Variants in AGTPBP1 observed in about 807,000 individuals in gnomAD.
AGTPBP1 encodes the protein ATP/GTP binding carboxypeptidase 1.
Under a neutral mutation model 143.9 loss-of-function variants are expected in AGTPBP1, and 70 were observed. The ratio of observed to expected loss-of-function variants is 0.49; its 90% CI spans 0.40 to 0.59. The LOEUF (loss-of-function observed/expected upper bound fraction) is 0.59, where lower values mean the gene tolerates loss of function less well. Ranked by LOEUF, AGTPBP1 falls within the 20% of genes least tolerant of loss-of-function variation. The pLI is 0.00. For synonymous variants in AGTPBP1, 463 were observed against 500.2 expected (o/e 0.93, Z 0.99); for missense variants, 1,229 against 1,464.5 (o/e 0.84, Z 2.62).
At chr9:85,803,744 T>TAA in the AGTPBP1 span, among the ~76,000 whole-genome samples, 4 of 152,258 alleles carry the variant, frequency 2.6e-5, no homozygotes, top group African/African-American at 9.6e-5. Flanking sequence ...CCTTTATTTC[T>TAA]AACTTATTAG....
chr9:85,697,196 G>A, intron 2 of AGTPBP1, among the ~76,000 whole-genome samples: 1 of 152,012 alleles, frequency 6.6e-6, no homozygotes. Context: ...AAATGTATGT[G>A]TATATATATT....
rs1176248561 is a variant in AGTPBP1, at chr9:85,633,283, G to A, written c.1394C>T (p.Thr465Ile). 6.2e-7 allele frequency: 1 copy of A among 1,613,854 alleles called. No homozygotes were observed. The highest frequency in any genetic ancestry group is 1.3e-5 in the African/African-American group (1 of 74,992). The part of the protein sequence containing the change: ...PIVVPTAGEE[T>I]SGNSGNLRKV... ...TCTTAAATTGCCAGAATTCCCAGAT[G>A]TTTCCTCGCCTGCCGTAGGAACAAC... The change falls in exon 14 of 26, where the codon ACA (threonine) becomes ATA (isoleucine). Residue 465 changes from threonine (T) to isoleucine (I), a missense_variant. Thr to Ile is a moderately conservative substitution (Grantham distance 89). Transcript: ENST00000357081.
intron 3 of AGTPBP1, among the ~76,000 whole-genome samples, chr9:85,687,747 C>T (rs943906522): frequency 1.3e-5 from 2 of 151,970 alleles, no homozygotes; most frequent in African/African-American, 2.4e-5. Context: ...GCTTTGAATG[C>T]CTCCAGTAGA....
intron 25 of AGTPBP1, among the ~76,000 whole-genome samples, chr9:85,550,624 A>G (rs1201793037): frequency 6.6e-6 from 1 of 152,092 alleles, no homozygotes; most frequent in East Asian, 1.9e-4. Context: ...TTCTCCATGG[A>G]ACTTCCGTAC....
chr9:85,606,318 T>C (rs1382923309), intron 17 of AGTPBP1, among the ~76,000 whole-genome samples: 1 of 150,796 alleles, frequency 6.6e-6, no homozygotes, highest in Non-Finnish European at 1.5e-5. Context: ...ACATCACTAA[T>C]CATCAGGGAA....
chr9:85,655,323 G>T lies in AGTPBP1; in HGVS notation c.910-3C>A. On this transcript the variant is annotated splice_polypyrimidine_tract_variant and splice_region_variant and intron_variant, in intron 10 of 25. Coordinates refer to ENST00000357081, the MANE Select transcript of AGTPBP1 (RefSeq NM_001330701.2). Reference sequence around the variant, plus strand: ...AGAGTCCTGACTGCCAGACATTCCTGTTTTTTAAAAAAAGAAAAAGAAAAA... The same window carrying T: ...AGAGTCCTGACTGCCAGACATTCCTTTTTTTTAAAAAAAGAAAAAGAAAAA... The T allele has an allele frequency of 6.8e-7, 1 of 1,473,416 alleles. No individual in the cohort carries two copies. The highest frequency in any genetic ancestry group is 9.0e-7 in the Non-Finnish European group (1 of 1,112,088). 91.3% of individuals were successfully genotyped at this position (1,473,416 alleles called of 1,614,324 possible).
At chr9:85,744,721 G>A (rs376297034), upstream of AGTPBP1, among the ~76,000 whole-genome samples, 1 of 152,284 alleles carries the variant, frequency 6.6e-6, no homozygotes, top group Non-Finnish European at 1.5e-5. Context: ...TGTGCACGCG[G>A]GCCCTTAGTC....
chr9:85,740,310 T>G (rs1277986801), intron 1 of AGTPBP1, among the ~76,000 whole-genome samples: 2 of 152,198 alleles, frequency 1.3e-5, no homozygotes, highest in Non-Finnish European at 2.9e-5. Context: ...CAGAGTTTTG[T>G]GATCATTAAA....
At chr9:85,655,879 G>C (rs1355804340) in intron 10 of AGTPBP1, among the ~76,000 whole-genome samples, 2 of 152,178 alleles carry the variant, frequency 1.3e-5, no homozygotes, top group East Asian at 1.9e-4. Context: ...CCAGGCTGGA[G>C]TGAAGTAGAG....
intron 2 of AGTPBP1, among the ~76,000 whole-genome samples, 194 bp from the exon 3 acceptor site, chr9:85,693,007 G>C (rs1043810641): frequency 6.6e-6 from 1 of 152,154 alleles, no homozygotes; most frequent in African/African-American, 2.4e-5. Context: ...TGACTTAAGT[G>C]AGAAACACAT....
chr9:85,667,449 A>C (rs181361761), intron 8 of AGTPBP1, among the ~76,000 whole-genome samples: 160 of 152,266 alleles, frequency 1.1e-3, no homozygotes, highest in Middle Eastern at 3.4e-3. Flanking sequence ...AAAACTAGAT[A>C]AGTTATTATT....
At chr9:85,802,696 C>T in the AGTPBP1 span, among the ~76,000 whole-genome samples, 1 of 152,208 alleles carries the variant, frequency 6.6e-6, no homozygotes, top group Non-Finnish European at 1.5e-5. Context: ...ATATATCTTG[C>T]TCACATAATT....
At chr9:85,797,046 A>C in the AGTPBP1 span, among the ~76,000 whole-genome samples, 2 of 152,078 alleles carry the variant, frequency 1.3e-5, no homozygotes, top group African/African-American at 2.4e-5. Context: ...CGGCCTCCCA[A>C]AGTGCTGGGA....
intron 1 of AGTPBP1, among the ~76,000 whole-genome samples, chr9:85,730,469 C>T (rs1838805759): frequency 6.6e-6 from 1 of 152,140 alleles, no homozygotes; most frequent in Admixed American, 6.5e-5. Context: ...CAAGGCTTTT[C>T]CAGGGACCCA....
chr9:85,803,386 T>C, the AGTPBP1 span, among the ~76,000 whole-genome samples: 4,973 of 152,288 alleles, frequency 0.033, 255 homozygotes, highest in African/African-American at 0.11. Context: ...TGCATTACCC[T>C]ATTCTCCTCC....
chr9:85,743,846 A>C (rs1451181192), upstream of AGTPBP1, among the ~76,000 whole-genome samples: 1 of 151,786 alleles, frequency 6.6e-6, no homozygotes, highest in Non-Finnish European at 1.5e-5. Flanking sequence ...TATGTTGGAC[A>C]CCATCTCTCC....
chr9:85,727,435 C>A (rs1254304811), intron 1 of AGTPBP1, among the ~76,000 whole-genome samples: 1 of 152,066 alleles, frequency 6.6e-6, no homozygotes, highest in African/African-American at 2.4e-5. Context: ...ATTGAAGCTC[C>A]AAAAAAGTAT....
At chr9:85,749,846 C>A in the AGTPBP1 span, among the ~76,000 whole-genome samples, 1 of 150,358 alleles carries the variant, frequency 6.7e-6, no homozygotes, top group Non-Finnish European at 1.5e-5. Flanking sequence ...TTGTCTGGAG[C>A]AACATGTGGA....
chr9:85,793,278 T>C, the AGTPBP1 span: 3 of 152,176 alleles, frequency 2.0e-5, no homozygotes, highest in Non-Finnish European at 4.4e-5. Flanking sequence ...TTAAACTATT[T>C]TTCCCCAAAG....
Sources: gnomAD v4.1 joint callset for allele counts (sites outside exome capture counted in the v4.1 genomes callset) on GRCh38, gnomAD v4.1.1 for gene constraint, MANE v1.5 for transcripts, NCBI Gene and HGNC (gene_info 2026-07-23, HGNC 2026-07-21) for gene names.